SLC71A2: variants seen among roughly 807,000 people sequenced by gnomAD.
SLC71A2 encodes hippocampus abundant transcript-like 1.
At chr9:94,428,600 CTTT>C in the SLC71A2 span, among the ~76,000 whole-genome samples, 7 of 98,388 alleles carry the variant, frequency 7.1e-5, no homozygotes, top group African/African-American at 2.6e-4. Context: ...ACCCCCCCCC[CTTT>C]TTTTTTTTTA....
At chr9:94,397,099 C>T in the SLC71A2 span, among the ~76,000 whole-genome samples, 1 of 152,124 alleles carries the variant, frequency 6.6e-6, no homozygotes, top group African/African-American at 2.4e-5. Flanking sequence ...AATTTTTCCT[C>T]TGTCCCTTTC....
chr9:94,397,050 G>A, the SLC71A2 span, among the ~76,000 whole-genome samples: 3 of 152,184 alleles, frequency 2.0e-5, no homozygotes, highest in Non-Finnish European at 2.9e-5. Context: ...GATTATAGGC[G>A]TGAGCCACCG....
the SLC71A2 span, chr9:94,451,553 A>T: frequency 8.4e-7 from 1 of 1,186,670 alleles, no homozygotes; most frequent in Non-Finnish European, 1.2e-6. Flanking sequence ...TCTATACTTA[A>T]AAAATTTAAA....
the SLC71A2 span, among the ~76,000 whole-genome samples, chr9:94,389,869 A>C: frequency 6.6e-6 from 1 of 151,442 alleles, no homozygotes; most frequent in East Asian, 2.0e-4. Flanking sequence ...CGGCCTCCCA[A>C]AGTGCTGGGA....
the SLC71A2 span, among the ~76,000 whole-genome samples, chr9:94,445,449 A>C: frequency 5.9e-5 from 9 of 152,264 alleles, no homozygotes; most frequent in East Asian, 1.5e-3. Flanking sequence ...TTCTTTTTGC[A>C]TGGTTGTTTT....
chr9:94,444,973 A>G, the SLC71A2 span: 1 of 1,613,744 alleles, frequency 6.2e-7, no homozygotes, highest in Admixed American at 1.7e-5. Flanking sequence ...GGTCTCAGCC[A>G]CCTTTGCGGC....
the SLC71A2 span, among the ~76,000 whole-genome samples, chr9:94,454,967 T>C: frequency 2.6e-5 from 4 of 152,140 alleles, no homozygotes; most frequent in Admixed American, 2.0e-4. Flanking sequence ...GGTTTCTCCA[T>C]GTGCCTGGTG....
chr9:94,405,501 A>AC, the SLC71A2 span, among the ~76,000 whole-genome samples: 6 of 148,952 alleles, frequency 4.0e-5, no homozygotes, highest in African/African-American at 1.5e-4. Flanking sequence ...TCCGTCTCAA[A>AC]AAAAAAAAAA....
chr9:94,383,224 G>A, the SLC71A2 span, among the ~76,000 whole-genome samples: 4 of 142,734 alleles, frequency 2.8e-5, no homozygotes, highest in Non-Finnish European at 4.5e-5. Flanking sequence ...GTGCAGTGGC[G>A]CAATCTCGGC....
At chr9:94,390,828 G>A in the SLC71A2 span, among the ~76,000 whole-genome samples, 1 of 152,194 alleles carries the variant, frequency 6.6e-6, no homozygotes, top group Non-Finnish European at 1.5e-5. Context: ...GGTTGATGAA[G>A]AGCACAGTCT....
the SLC71A2 span, chr9:94,460,216 A>G: frequency 2.6e-5 from 4 of 152,548 alleles, no homozygotes; most frequent in Non-Finnish European, 5.9e-5. Context: ...CTTCTAAGAA[A>G]GTTATTAACA....
chr9:94,424,755 TTTGA>T, the SLC71A2 span, among the ~76,000 whole-genome samples: 4 of 119,640 alleles, frequency 3.3e-5, no homozygotes, highest in African/African-American at 6.6e-5. Context: ...TTTTTTATTC[TTTGA>T]TTGAGAGTCT....
chr9:94,458,244 T>G, the SLC71A2 span: 345 of 1,306,932 alleles, frequency 2.6e-4, no homozygotes, highest in Non-Finnish European at 3.2e-4. Flanking sequence ...ATCATGGTTA[T>G]GAGAAAGTAC....
chr9:94,459,127 TTC>T, the SLC71A2 span: 2 of 1,603,922 alleles, frequency 1.2e-6, no homozygotes, highest in Non-Finnish European at 1.7e-6. Flanking sequence ...ACTAACTGTA[TTC>T]TTTGTCTCCA....
At chr9:94,439,621 T>G in the SLC71A2 span, among the ~76,000 whole-genome samples, 2 of 151,694 alleles carry the variant, frequency 1.3e-5, no homozygotes, top group Non-Finnish European at 2.9e-5. Context: ...ACCTATCACA[T>G]TCTAAATTTA....
chr9:94,380,503 T>C, the SLC71A2 span, among the ~76,000 whole-genome samples: 1 of 76,710 alleles, frequency 1.3e-5, no homozygotes, highest in Non-Finnish European at 2.6e-5. Context: ...AGTCTTACTG[T>C]TTCATCCAGG....
chr9:94,428,038 G>A, the SLC71A2 span, among the ~76,000 whole-genome samples: 5 of 151,930 alleles, frequency 3.3e-5, no homozygotes, highest in East Asian at 5.8e-4. Context: ...AAGGAGAATC[G>A]CTTGAACCTG....
chr9:94,448,111 C>A, the SLC71A2 span, among the ~76,000 whole-genome samples: 1 of 148,584 alleles, frequency 6.7e-6, no homozygotes, highest in African/African-American at 2.5e-5. Context: ...ATGTTTTAAT[C>A]TTTAATAATA....
chr9:94,432,454 C>T, the SLC71A2 span, among the ~76,000 whole-genome samples: 9 of 151,994 alleles, frequency 5.9e-5, no homozygotes, highest in African/African-American at 1.2e-4. Flanking sequence ...GAGCCGAGAT[C>T]GTGCCATTGC....
Sources: allele counts gnomAD v4.1 joint callset (sites outside exome capture counted in the v4.1 genomes callset), GRCh38; gene constraint gnomAD v4.1.1; transcripts MANE v1.5; gene names NCBI Gene and HGNC (gene_info 2026-07-23, HGNC 2026-07-21).